GUCY1A2: variants seen among roughly 807,000 people sequenced by gnomAD.
The protein encoded by GUCY1A2 is guanylate cyclase 1 soluble subunit alpha 2, also known as guanylate cyclase soluble subunit alpha-2.
Under a neutral mutation model 63.5 loss-of-function variants are expected in GUCY1A2, and 27 were observed. The ratio of observed to expected loss-of-function variants is 0.43; its 90% CI spans 0.31 to 0.59. GUCY1A2 has a LOEUF of 0.59. Among genes scored for constraint, GUCY1A2 ranks in the 20% least tolerant of loss-of-function variants. The probability of loss-of-function intolerance (pLI) is 0.11; values close to 1 mark genes in which losing one functional copy is unlikely to be tolerated. For synonymous variants in GUCY1A2, 364 were observed against 343.5 expected, an observed-to-expected ratio of 1.06 and a Z score of -0.66; for missense variants, 768 against 913.3, an observed-to-expected ratio of 0.84 and a Z score of 2.05.
At chr11:106,831,574 T>C (rs773079308) in intron 4 of GUCY1A2, among the ~76,000 whole-genome samples, 5 of 152,168 alleles carry the variant, frequency 3.3e-5, no homozygotes, top group African/African-American at 9.7e-5. Context: ...GTTATGACCA[T>C]TGGAATGTGA....
At chr11:106,968,611 T>C (rs1395952146) in intron 3 of GUCY1A2, among the ~76,000 whole-genome samples, 3 of 152,166 alleles carry the variant, frequency 2.0e-5, no homozygotes, top group African/African-American at 7.2e-5. Context: ...TCATGCCTGT[T>C]ACCAACACTG....
intron 1 of GUCY1A2, among the ~76,000 whole-genome samples, chr11:106,999,340 T>C (rs1046698329): frequency 6.6e-6 from 1 of 152,130 alleles, no homozygotes; most frequent in Non-Finnish European, 1.5e-5. Flanking sequence ...ATATCAGAGG[T>C]TGAACTAGTA....
At chr11:106,936,703 C>T (rs1428151929) in intron 4 of GUCY1A2, 1 of 1,505,938 alleles carries the variant, frequency 6.6e-7, no homozygotes, top group Non-Finnish European at 8.8e-7. Flanking sequence ...CCCTCGGTGA[C>T]ATGCTTGCTC....
At chr11:106,903,128 C>A (rs942139528) in intron 4 of GUCY1A2, among the ~76,000 whole-genome samples, 5 of 151,932 alleles carry the variant, frequency 3.3e-5, no homozygotes, top group East Asian at 1.9e-4. Flanking sequence ...TATGTAAAAT[C>A]TTTTTTTAAA....
chr11:106,776,019 G>T (rs1864350973), intron 6 of GUCY1A2, among the ~76,000 whole-genome samples: 1 of 152,172 alleles, frequency 6.6e-6, no homozygotes, highest in Non-Finnish European at 1.5e-5. Context: ...TCTGAGGTCT[G>T]ATGTTTCACA....
chr11:106,913,040 G>A (rs1039228761), intron 4 of GUCY1A2, among the ~76,000 whole-genome samples: 2 of 151,946 alleles, frequency 1.3e-5, no homozygotes, highest in Non-Finnish European at 1.5e-5. Context: ...AAAACATGTT[G>A]GTTTTAGACA....
intron 4 of GUCY1A2, among the ~76,000 whole-genome samples, chr11:106,873,477 T>C (rs1363352058): frequency 3.3e-5 from 5 of 152,192 alleles, no homozygotes; most frequent in Non-Finnish European, 7.4e-5. Context: ...TGGTATGAGA[T>C]GGTATCTCAG....
At chr11:106,821,080 T>C (rs1430788767) in intron 4 of GUCY1A2, among the ~76,000 whole-genome samples, 1 of 152,188 alleles carries the variant, frequency 6.6e-6, no homozygotes, top group Non-Finnish European at 1.5e-5. Flanking sequence ...TAATGTTCCA[T>C]GATTAGATGC....
intron 4 of GUCY1A2, among the ~76,000 whole-genome samples, chr11:106,870,027 T>A (rs1345078897): frequency 1.4e-5 from 2 of 147,474 alleles, no homozygotes; most frequent in Non-Finnish European, 1.5e-5. Flanking sequence ...ACACCGCATG[T>A]TCTCACTCAT....
Position 106,686,547 on chromosome 11 carries a change from A to G in GUCY1A2, c.*1002T>C, listed in dbSNP as rs905316287. ...AGCAGTCGGCTCTTAGGAGGCATCA[A>G]CTGGGGAAGAGGAAGGGGGTAACTA... On this transcript the variant is annotated 3_prime_UTR_variant, in exon 8 of 8. Coordinates refer to ENST00000526355, the MANE Select transcript of GUCY1A2 (RefSeq NM_000855.3). 3.2e-5 allele frequency: 7 copies of G among 217,556 alleles called. No homozygotes were observed. The highest frequency in any genetic ancestry group is 6.5e-5 in the Non-Finnish European group (7 of 108,052). The allele number at this position is 217,556 out of a possible 1,614,324, so 13.5% of individuals were successfully genotyped here.
chr11:106,806,620 T>C (rs781719122), intron 5 of GUCY1A2, among the ~76,000 whole-genome samples: 10 of 152,212 alleles, frequency 6.6e-5, no homozygotes, highest in Non-Finnish European at 1.2e-4. Context: ...CGTATGTTGT[T>C]TATGTTGACT....
At chr11:106,971,841 C>T (rs1861198499) in intron 3 of GUCY1A2, among the ~76,000 whole-genome samples, 1 of 152,084 alleles carries the variant, frequency 6.6e-6, no homozygotes, top group Non-Finnish European at 1.5e-5. Flanking sequence ...TATCAGGGCT[C>T]CTGAGAGAAA....
At chr11:106,961,104 G>T (rs1861052564) in intron 3 of GUCY1A2, among the ~76,000 whole-genome samples, 1 of 151,996 alleles carries the variant, frequency 6.6e-6, no homozygotes, top group African/African-American at 2.4e-5. Context: ...TCACATCTCA[G>T]ATTAGACTAG....
intron 5 of GUCY1A2, among the ~76,000 whole-genome samples, chr11:106,783,349 G>A (rs570915222): frequency 6.6e-6 from 1 of 152,296 alleles, no homozygotes; most frequent in South Asian, 2.1e-4. Flanking sequence ...CCAAGCACAG[G>A]TCCAACAATA....
intron 4 of GUCY1A2, among the ~76,000 whole-genome samples, chr11:106,864,668 A>G (rs1270015148): frequency 1.3e-5 from 2 of 152,142 alleles, no homozygotes; most frequent in Admixed American, 6.6e-5. Flanking sequence ...ATCTATTGAG[A>G]TAATCATGTG....
chr11:106,737,439 T>C lies in GUCY1A2; in HGVS notation c.1837-28773A>G, dbSNP rs149423322. On this transcript the variant is annotated intron_variant, in intron 6 of 7. Transcript: ENST00000526355. ...TATACTTTAAGTGCTGGGGTACATG[T>C]GCAAAACATGCAACTTTGTTACATA... 5.3e-3 allele frequency among the ~76,000 whole-genome samples: 814 copies of C among 152,302 alleles called. 10 individuals are homozygous for C. Among genetic ancestry groups the C allele is most frequent in the South Asian group, 0.012 (57 of 4,824 alleles).
At chr11:106,693,254 T>C (rs1013823870) in intron 7 of GUCY1A2, among the ~76,000 whole-genome samples, 2 of 152,334 alleles carry the variant, frequency 1.3e-5, no homozygotes, top group East Asian at 1.9e-4. Context: ...CATTCTTCTC[T>C]CAACTTGATT....
intron 4 of GUCY1A2, among the ~76,000 whole-genome samples, chr11:106,888,254 C>G (rs909898790): frequency 3.3e-5 from 5 of 151,506 alleles, no homozygotes; most frequent in African/African-American, 9.7e-5. Context: ...GTCAGGAGAT[C>G]GAGACCATCC....
At chr11:106,901,424 C>T (rs1207228307) in intron 4 of GUCY1A2, among the ~76,000 whole-genome samples, 1 of 152,130 alleles carries the variant, frequency 6.6e-6, no homozygotes, top group East Asian at 1.9e-4. Flanking sequence ...GACATTTTGA[C>T]CACCTCCCAT....
Sources: gnomAD v4.1 joint callset for allele counts (sites outside exome capture counted in the v4.1 genomes callset) on GRCh38, gnomAD v4.1.1 for gene constraint, MANE v1.5 for transcripts, NCBI Gene and HGNC (gene_info 2026-07-23, HGNC 2026-07-21) for gene names.